Variants in DOP1A observed in about 807,000 individuals in gnomAD.
The protein encoded by DOP1A is protein DOP1A.
In DOP1A, 90 loss-of-function variants were observed where a neutral mutation model predicts 267.6. The ratio of observed to expected loss-of-function variants is 0.34; its 90% CI spans 0.28 to 0.40. The LOEUF (loss-of-function observed/expected upper bound fraction) is 0.40. DOP1A is among the 10% of genes least tolerant of loss of function. The pLI is 1.00. For synonymous variants in DOP1A, 932 were observed against 999.1 expected, an observed-to-expected ratio of 0.93 and a Z score of 1.27; for missense variants, 2,437 against 2,900.4, an observed-to-expected ratio of 0.84 and a Z score of 3.67.
chr6:83,126,967 G>A (rs1257348548), intron 15 of DOP1A, among the ~76,000 whole-genome samples: 1 of 152,126 alleles, frequency 6.6e-6, no homozygotes, highest in Non-Finnish European at 1.5e-5. Context: ...TTGGCTCGGG[G>A]ATGAAATCAT....
At chr6:83,097,966 A>G (rs1376376779) in intron 3 of DOP1A, among the ~76,000 whole-genome samples, 2 of 151,844 alleles carry the variant, frequency 1.3e-5, no homozygotes, top group Non-Finnish European at 2.9e-5. Flanking sequence ...TGGCATGATT[A>G]TAGCTCATTG....
chr6:83,113,536 G>C, intron 7 of DOP1A, 115 bp downstream of exon 7: 1 of 757,186 alleles, frequency 1.3e-6, no homozygotes, highest in Non-Finnish European at 2.1e-6. Flanking sequence ...AAATCAGTAA[G>C]CGCATGGAAA....
intron 10 of DOP1A, among the ~76,000 whole-genome samples, chr6:83,121,332 A>G (rs796963617): frequency 3.3e-5 from 5 of 151,882 alleles, no homozygotes; most frequent in African/African-American, 1.2e-4. Flanking sequence ...TCTTCTCACC[A>G]TTTTTTAAAC....
intron 3 of DOP1A, among the ~76,000 whole-genome samples, chr6:83,098,910 A>G (rs1392779521): frequency 1.3e-5 from 2 of 152,208 alleles, no homozygotes; most frequent in African/African-American, 4.8e-5. Context: ...GCCTCTCTAC[A>G]GCATTCCTTC....
rs979530085 is a variant in DOP1A, at chr6:83,138,059, G to T, written c.4017G>T (p.Glu1339Asp). The change falls in exon 21 of 39, where the codon GAG (glutamate) becomes GAT (aspartate). Residue 1339 changes from glutamate (E) to aspartate (D), a missense_variant. Coordinates refer to ENST00000349129, the MANE Select transcript of DOP1A (RefSeq NM_015018.4). ...TAGAGAACTGGTATAGCTGTGGAGA[G>T]GGAGACATTTCTGAAATTGAGAGTG... is the stretch of plus-strand genomic sequence containing the variant. ...LDLENWYSCG[E>D]GDISEIESDM... 1.9e-6 allele frequency: 3 copies of T among 1,613,440 alleles called. No homozygotes were observed. The highest frequency in any genetic ancestry group is 2.5e-6 in the Non-Finnish European group (3 of 1,179,710).
At chr6:83,124,052 A>T (rs1445486495) in intron 12 of DOP1A, among the ~76,000 whole-genome samples, 1 of 152,028 alleles carries the variant, frequency 6.6e-6, no homozygotes, top group Non-Finnish European at 1.5e-5. Flanking sequence ...CAAATAGCCT[A>T]TCAGAATCAA....
At chr6:83,090,130 G>A (rs1770073155) in intron 1 of DOP1A, among the ~76,000 whole-genome samples, 1 of 152,124 alleles carries the variant, frequency 6.6e-6, no homozygotes, top group African/African-American at 2.4e-5. Context: ...GATTTCGTAG[G>A]AAATAATGAC....
At chr6:83,113,867 G>T (rs1774974912) in intron 7 of DOP1A, among the ~76,000 whole-genome samples, 1 of 152,134 alleles carries the variant, frequency 6.6e-6, no homozygotes, top group African/African-American at 2.4e-5. Flanking sequence ...TTACAAATAA[G>T]TGCAACTAAG....
rs1221311570 is a variant in DOP1A at position 83,168,314 on chromosome 6, A to C, written c.*147A>C. Reference sequence around the variant, plus strand: ...AATTTAAATATTTGTATATAAGAGCAAATGTCTGAATGTGGCCTGAATCAA... The same window carrying C: ...AATTTAAATATTTGTATATAAGAGCCAATGTCTGAATGTGGCCTGAATCAA... On this transcript the variant is annotated 3_prime_UTR_variant, in exon 39 of 39. Coordinates refer to ENST00000349129, the MANE Select transcript of DOP1A (RefSeq NM_015018.4). 1.7e-5 allele frequency: 24 copies of C among 1,425,694 alleles called. No homozygotes were observed. The highest frequency in any genetic ancestry group is 2.1e-5 in the Non-Finnish European group (23 of 1,096,246). 88.3% of individuals were successfully genotyped at this position (1,425,694 alleles called of 1,614,324 possible).
chr6:83,100,694 C>T lies in DOP1A; in HGVS notation c.139-11C>T, dbSNP rs185184525. ...TGTTTTTCTCAACTACATTAAAATGCTTTCTTCAAGGTTTTACAAAATAAT... is the reference window on the plus strand; with the variant it reads ...TGTTTTTCTCAACTACATTAAAATGTTTTCTTCAAGGTTTTACAAAATAAT... On this transcript the variant is annotated splice_polypyrimidine_tract_variant and intron_variant, in intron 3 of 38. Transcript: ENST00000349129. The T allele has an allele frequency of 7.7e-4, 1,109 of 1,435,214 alleles. 8 individuals are homozygous for T. The African/African-American group carries it at 0.015, about 19-fold the overall frequency. The allele number at this position is 1,435,214 out of a possible 1,614,324, so 88.9% of individuals were successfully genotyped here. A position where few individuals can be genotyped will look rare whatever the true frequency, so the allele number is the denominator to read the frequency against.
In DOP1A at chr6:83,142,090, G is replaced by C. The variant is rs765859125; in HGVS notation, c.5541+44G>C. On this transcript the variant is annotated intron_variant, in intron 24 of 38. Coordinates refer to ENST00000349129, the MANE Select transcript of DOP1A (RefSeq NM_015018.4). The stretch of plus-strand genomic sequence containing the variant: ...GGCACTTTTTGTTTTTGCATTTGGT[G>C]AGTACATGCTAATTTCCACTTCTCC... 3 of 1,603,766 alleles carry C rather than the reference G, an allele frequency of 1.9e-6. No individual in the cohort carries two copies. The East Asian group carries it at 6.7e-5, about 36-fold the overall frequency.
Position 83,130,163 on chromosome 6 carries a change from G to C in DOP1A, c.2382G>C (p.Leu794=), listed in dbSNP as rs1193082486. Residue 794 remains leucine (L), a synonymous_variant, in exon 17 of 39, where the codon CTG becomes CTC. Coordinates refer to ENST00000349129, the MANE Select transcript of DOP1A (RefSeq NM_015018.4). ...HVQPPQWLQT[L]MNACSQASDF... ...AGCCTCCACAGTGGCTCCAGACTCT[G>C]ATGAATGCTTGCAGCCAAGCAAGTG... 1 of 1,614,076 alleles carries C rather than the reference G, an allele frequency of 6.2e-7. No individual in the cohort carries two copies.
At chr6:83,151,766 C>G in intron 28 of DOP1A, 107 bp downstream of exon 28, 1 of 1,434,118 alleles carries the variant, frequency 7.0e-7, no homozygotes. Flanking sequence ...TCTGAACATT[C>G]TATGGGAATC....
At chr6:83,119,541 A>G (rs1776020405) in intron 8 of DOP1A, among the ~76,000 whole-genome samples, 1 of 152,104 alleles carries the variant, frequency 6.6e-6, no homozygotes, top group Admixed American at 6.6e-5. Context: ...AATAAAAAGG[A>G]TAATTCTGGA....
At chr6:83,160,125 C>T (rs1343528569) in intron 37 of DOP1A, among the ~76,000 whole-genome samples, 165 bp downstream of exon 37, 2 of 152,152 alleles carry the variant, frequency 1.3e-5, no homozygotes, top group Admixed American at 1.3e-4. Context: ...AGTAAATGGT[C>T]AATGTGGATA....
intron 1 of DOP1A, among the ~76,000 whole-genome samples, chr6:83,092,369 C>G (rs1387927191): frequency 6.6e-6 from 1 of 152,092 alleles, no homozygotes; most frequent in African/African-American, 2.4e-5. Flanking sequence ...AAGAACTTTC[C>G]TGGTAGGAAA....
At chr6:83,123,128 C>A in intron 12 of DOP1A, 146 bp downstream of exon 12, 1 of 896,124 alleles carries the variant, frequency 1.1e-6, no homozygotes, top group Non-Finnish European at 1.6e-6. Context: ...TCTGACTCTA[C>A]CTTGTCACAT....
intron 1 of DOP1A, among the ~76,000 whole-genome samples, chr6:83,082,318 A>G (rs1180426204): frequency 6.6e-6 from 1 of 152,178 alleles, no homozygotes; most frequent in African/African-American, 2.4e-5. Context: ...ACATGATGGA[A>G]TGCTATTCAC....
chr6:83,166,693 CT>C, intron 38 of DOP1A: 1 of 1,240,656 alleles, frequency 8.1e-7, no homozygotes, highest in Non-Finnish European at 1.0e-6. Flanking sequence ...TAATATTTTC[CT>C]TTTTCAGGAT....
Sources: allele counts gnomAD v4.1 joint callset (sites outside exome capture counted in the v4.1 genomes callset), GRCh38; gene constraint gnomAD v4.1.1; transcripts MANE v1.5; gene names NCBI Gene and HGNC (gene_info 2026-07-23, HGNC 2026-07-21).